The following PUM2 variants were observed in gnomAD, a reference collection of about 807,000 sequenced individuals.
PUM2 encodes the protein pumilio homolog 2.
In PUM2, 57 loss-of-function variants were observed where a neutral mutation model predicts 124.5. That is an observed-to-expected ratio of 0.46 (90% CI 0.37 to 0.57). The LOEUF is 0.57. Ranked by LOEUF, PUM2 falls within the 20% of genes least tolerant of loss-of-function variation. The pLI, the probability that PUM2 is intolerant of heterozygous loss-of-function variation, is 0.00. For missense variants in PUM2, 1,065 were observed against 1,290.6 expected (o/e 0.83, Z 2.68); for synonymous variants, 460 against 446.1 (o/e 1.03, Z -0.39).
intron 1 of PUM2, among the ~76,000 whole-genome samples, chr2:20,332,300 T>A (rs890813474): frequency 4.0e-5 from 6 of 150,418 alleles, no homozygotes; most frequent in Non-Finnish European, 5.9e-5. Flanking sequence ...TGTGTGTGTG[T>A]GTGTGTGTGT....
intron 13 of PUM2, among the ~76,000 whole-genome samples, chr2:20,270,674 C>T (rs993573793): frequency 2.6e-5 from 4 of 151,950 alleles, no homozygotes; most frequent in African/African-American, 9.7e-5. Context: ...TGAGAACAGC[C>T]AAATAATGCT....
chr2:20,288,802 C>G (rs1399421480), intron 10 of PUM2, among the ~76,000 whole-genome samples: 1 of 152,134 alleles, frequency 6.6e-6, no homozygotes, highest in African/African-American at 2.4e-5. Context: ...ATTTCATCAT[C>G]ATAGTCTGGG....
intron 1 of PUM2, among the ~76,000 whole-genome samples, chr2:20,349,023 G>A (rs1688791679): frequency 6.6e-6 from 1 of 152,214 alleles, no homozygotes; most frequent in Admixed American, 6.5e-5. Context: ...TATTTGTAAT[G>A]CCTGAGAATT....
intron 12 of PUM2, among the ~76,000 whole-genome samples, chr2:20,280,152 C>T (rs1226022868): frequency 2.6e-5 from 4 of 151,926 alleles, no homozygotes; most frequent in Non-Finnish European, 4.4e-5. Flanking sequence ...AACTTAATTA[C>T]GTTGGTTTTG....
At position 20,292,931 on chromosome 2, in the gene PUM2, A is replaced by AAAAAC. The variant is rs545072826; in HGVS notation, c.1152+1440_1152+1444dup. ...AACAAGAGCAAAACTCCATCTCAAA[A>AAAAAC]AAAACAAAACAAAACAAAACAAAAC... On this transcript the variant is annotated intron_variant, in intron 9 of 20. Coordinates refer to ENST00000361078, the MANE Select transcript of PUM2 (RefSeq NM_015317.5). Among the ~76,000 whole-genome samples the AAAAAC allele has an allele frequency of 2.7e-3, 418 of 152,234 alleles. 1 individual carries two copies. Among genetic ancestry groups the AAAAAC allele is most frequent in the African/African-American group, 8.5e-3 (352 of 41,534 alleles).
rs1678732222 is a variant in PUM2, at chr2:20,307,980, A to G, written c.881T>C (p.Ile294Thr). ...YALAAAQQPHIAGVFSAGLAP... is the reference protein window; with the variant it reads ...YALAAAQQPHTAGVFSAGLAP... ...AATGAGAACGTATGAAGACTCACCT[A>G]TATGTGGCTGCTGAGCTGCTGCTAA... The change falls in exon 7 of 21, where the codon ATA (isoleucine) becomes ACA (threonine). Residue 294 changes from isoleucine (I) to threonine (T), a missense_variant and splice_region_variant. This residue lies in a region of PUM2 where 968 missense variants were observed against 1,159.8 expected (regional missense o/e 0.83). Coordinates refer to ENST00000361078, the MANE Select transcript of PUM2 (RefSeq NM_015317.5). 6.2e-7 allele frequency: 1 copy of G among 1,613,446 alleles called. No homozygotes were observed. Among genetic ancestry groups the G allele is most frequent in the Non-Finnish European group, 8.5e-7 (1 of 1,179,492 alleles).
intron 13 of PUM2, among the ~76,000 whole-genome samples, chr2:20,271,363 G>A (rs1006597540): frequency 1.3e-5 from 2 of 152,122 alleles, no homozygotes; most frequent in East Asian, 3.9e-4. Context: ...GCCCAGGCTG[G>A]AATGCAGTGG....
At chr2:20,257,387 A>T (rs916663874) in intron 16 of PUM2, among the ~76,000 whole-genome samples, 1 of 152,124 alleles carries the variant, frequency 6.6e-6, no homozygotes, top group Non-Finnish European at 1.5e-5. Context: ...ATTTTCTTTT[A>T]TTGTATGAGT....
At chr2:20,348,411 G>T (rs1387936101) in intron 1 of PUM2, among the ~76,000 whole-genome samples, 2 of 152,070 alleles carry the variant, frequency 1.3e-5, no homozygotes, top group Non-Finnish European at 1.5e-5. Context: ...AACCCAACAA[G>T]GTATTTAAGT....
chr2:20,339,527 TA>T (rs1259214000), intron 1 of PUM2, among the ~76,000 whole-genome samples: 4 of 152,194 alleles, frequency 2.6e-5, no homozygotes, highest in Admixed American at 2.0e-4. Flanking sequence ...ATCAGGTTTT[TA>T]AAAAGCAAAG....
chr2:20,311,355 A>C, intron 5 of PUM2, 139 bp downstream of exon 5: 2 of 1,045,704 alleles, frequency 1.9e-6, no homozygotes, highest in Non-Finnish European at 2.6e-6. Flanking sequence ...TATAGTAAAA[A>C]ACTAAAATTT....
At chr2:20,293,568 GGT>G (rs1674755305) in intron 9 of PUM2, among the ~76,000 whole-genome samples, 2 of 152,078 alleles carry the variant, frequency 1.3e-5, no homozygotes, top group Non-Finnish European at 2.9e-5. Flanking sequence ...AAATTAGCTG[GGT>G]GTGGTGGTGC....
intron 16 of PUM2, 94 bp from the exon 17 acceptor site, chr2:20,256,264 T>A: frequency 1.7e-6 from 2 of 1,176,896 alleles, no homozygotes; most frequent in South Asian, 3.6e-5. Context: ...ATATTAAAAA[T>A]CTCAGTATAT....
chr2:20,252,437 G>A (rs1196004469), intron 20 of PUM2, among the ~76,000 whole-genome samples: 1 of 152,114 alleles, frequency 6.6e-6, no homozygotes, highest in African/African-American at 2.4e-5. Context: ...CTTACATCAA[G>A]TTGAAGAATG....
intron 2 of PUM2, among the ~76,000 whole-genome samples, chr2:20,327,074 C>T (rs1683861534): frequency 6.6e-6 from 1 of 151,546 alleles, no homozygotes; most frequent in Non-Finnish European, 1.5e-5. Flanking sequence ...AATTATCTCA[C>T]CAAGTCAATC....
rs151191932 is a variant in PUM2, at chr2:20,255,257, T to C, written c.2707A>G (p.Ile903Val). 2.7e-5 allele frequency: 44 copies of C among 1,604,310 alleles called. No individual in the cohort carries two copies. Among genetic ancestry groups the C allele is most frequent in the Non-Finnish European group, 3.5e-5 (41 of 1,171,242 alleles). The change falls in exon 18 of 21, where the codon ATC (isoleucine) becomes GTC (valine). Residue 903 changes from isoleucine (I) to valine (V), a missense_variant. Physicochemically the swap from Ile to Val is conservative, Grantham distance 29. This residue lies in a region of PUM2 where 968 missense variants were observed against 1,159.8 expected (regional missense o/e 0.83). Coordinates refer to ENST00000361078, the MANE Select transcript of PUM2 (RefSeq NM_015317.5). ...GTATGTTGGTGGAGTTCTTCTAAGA[T>C]AGGTAAGGTCTGTTCTGCAGTGCAA... ...EHCTAEQTLP[I>V]LEELHQHTEQ...
intron 12 of PUM2, among the ~76,000 whole-genome samples, chr2:20,281,812 A>G (rs1671592083): frequency 6.6e-6 from 1 of 152,238 alleles, no homozygotes; most frequent in Non-Finnish European, 1.5e-5. Context: ...ATTGTATTTC[A>G]TTACAATAAA....
At chr2:20,261,928 C>CA (rs1350110560) in intron 14 of PUM2, among the ~76,000 whole-genome samples, 2 of 151,932 alleles carry the variant, frequency 1.3e-5, no homozygotes, top group Non-Finnish European at 2.9e-5. Context: ...CCTGTCTCTA[C>CA]AAAAAAATTT....
rs2148335759 is a variant in PUM2, at chr2:20,250,161, C to T, written c.*1424G>A. On this transcript the variant is annotated 3_prime_UTR_variant, in exon 21 of 21. Transcript: ENST00000361078. ...AATACTTTCTATTATGCACAATACC[C>T]TGACTTCAATTGAAAGTGATCCAAA... 1 of 152,734 alleles carries T rather than the reference C, an allele frequency of 6.5e-6. No individual in the cohort carries two copies. The highest frequency in any genetic ancestry group is 2.1e-4 in the South Asian group (1 of 4,832). 9.5% of individuals were successfully genotyped at this position (152,734 alleles called of 1,614,324 possible). A position where few individuals can be genotyped will look rare whatever the true frequency, so the allele number is the denominator to read the frequency against.
Sources: gnomAD v4.1 joint callset for allele counts (sites outside exome capture counted in the v4.1 genomes callset) on GRCh38, gnomAD v4.1.1 for gene constraint, gnomAD v4.1.1 regional missense constraint, MANE v1.5 for transcripts, NCBI Gene and HGNC (gene_info 2026-07-23, HGNC 2026-07-21) for gene names.